PEAK1: variants seen among roughly 807,000 people sequenced by gnomAD.
The protein encoded by PEAK1 is pseudopodium enriched atypical kinase 1.
In PEAK1, 54 loss-of-function variants were observed where a neutral mutation model predicts 124.7. The ratio of observed to expected loss-of-function variants is 0.43; its 90% CI spans 0.35 to 0.54. The LOEUF (loss-of-function observed/expected upper bound fraction) is 0.54, where lower values mean the gene tolerates loss of function less well. PEAK1 is among the 20% of genes least tolerant of loss of function. The probability of loss-of-function intolerance (pLI) is 0.01; values close to 1 mark genes in which losing one functional copy is unlikely to be tolerated. For missense variants in PEAK1, 2,046 were observed against 2,134.5 expected (o/e 0.96, Z 0.82); for synonymous variants, 719 against 760.0 (o/e 0.95, Z 0.89).
intron 6 of PEAK1, among the ~76,000 whole-genome samples, chr15:77,250,711 G>C (rs1813380171): frequency 6.6e-6 from 1 of 152,110 alleles, no homozygotes; most frequent in Admixed American, 6.6e-5. Context: ...GGGATTACAG[G>C]CGTATGCCAC....
chr15:77,128,198 A>T lies in PEAK1; in HGVS notation c.4077+4807T>A, dbSNP rs181109093. Among the ~76,000 whole-genome samples the T allele has an allele frequency of 1.8e-3, 269 of 152,276 alleles. 1 individual carries two copies. Among genetic ancestry groups the T allele is most frequent in the African/African-American group, 6.2e-3 (258 of 41,560 alleles). On this transcript the variant is annotated intron_variant, in intron 9 of 9. Transcript: ENST00000682557. ...TGGACTTAACCAGCCATCTCAGCAC[A>T]AGTCAGGGATAATAATGGGATTATA...
chr15:77,155,352 T>C (rs1443324963), intron 8 of PEAK1: 1 of 152,260 alleles, frequency 6.6e-6, no homozygotes, highest in African/African-American at 2.4e-5. Context: ...CTTTAAGGAC[T>C]TCTCTGCATT....
intron 6 of PEAK1, among the ~76,000 whole-genome samples, chr15:77,223,775 C>T (rs1199836599): frequency 6.6e-6 from 1 of 151,904 alleles, no homozygotes; most frequent in Non-Finnish European, 1.5e-5. Context: ...CTGTTGGATC[C>T]CTCTCTTCAC....
At chr15:77,350,006 TAAG>T in intron 2 of PEAK1, 1 of 985,062 alleles carries the variant, frequency 1.0e-6, no homozygotes. Context: ...TTTCTAGGTT[TAAG>T]AAGAAGACAT....
chr15:77,148,919 C>G (rs765229730), intron 8 of PEAK1, among the ~76,000 whole-genome samples: 1 of 151,712 alleles, frequency 6.6e-6, no homozygotes, highest in African/African-American at 2.4e-5. Flanking sequence ...AAGACCCTGT[C>G]GCTAAGAAAA....
chr15:77,240,702 A>G (rs918955374), intron 6 of PEAK1, among the ~76,000 whole-genome samples: 3 of 152,182 alleles, frequency 2.0e-5, no homozygotes, highest in African/African-American at 7.2e-5. Context: ...GGGTGTAATC[A>G]TAGTAAAACT....
intron 3 of PEAK1, 113 bp downstream of exon 3, chr15:77,286,310 A>T: frequency 2.0e-6 from 1 of 499,208 alleles, no homozygotes; most frequent in Non-Finnish European, 3.1e-6. Context: ...CCTCCATACT[A>T]CTATGGCAAG....
intron 1 of PEAK1, among the ~76,000 whole-genome samples, chr15:77,373,568 G>A (rs2068794465): frequency 6.6e-6 from 1 of 152,082 alleles, no homozygotes; most frequent in East Asian, 1.9e-4. Context: ...CAGTCCTAAG[G>A]TGCCTACTGA....
chr15:77,405,128 C>T (rs2071707118), intron 1 of PEAK1, among the ~76,000 whole-genome samples: 1 of 151,922 alleles, frequency 6.6e-6, no homozygotes, highest in Non-Finnish European at 1.5e-5. Context: ...GCCTCAGCCT[C>T]CTAGGTAGCT....
rs78195483 is a variant in PEAK1 at position 77,179,463 on chromosome 15, T to A, written c.2464A>T (p.Thr822Ser). The change falls in exon 7 of 10, where the codon ACA becomes TCA. Residue 822 changes from threonine to serine, a missense_variant. Transcript: ENST00000682557. ...TCAGCCTCACCACTAGGCTGAGATG[T>A]AAAGAGAGATTTGGGCCGGACTGGC... ...STPVRPKSLF[T>S]SQPSGEAEAP... 2.0e-4 allele frequency: 327 copies of A among 1,614,096 alleles called. 2 individuals carry two copies. In the African/African-American group the frequency reaches 4.0e-3, roughly 20 times the overall value.
chr15:77,218,880 A>G (rs992591746), intron 6 of PEAK1, among the ~76,000 whole-genome samples: 3 of 152,112 alleles, frequency 2.0e-5, no homozygotes, highest in Admixed American at 6.6e-5. Context: ...CCTGGTTGCA[A>G]ATGAGTGTGG....
At chr15:77,325,971 A>T (rs1032234719) in intron 2 of PEAK1, among the ~76,000 whole-genome samples, 12 of 149,652 alleles carry the variant, frequency 8.0e-5, no homozygotes, top group Admixed American at 3.4e-4. Flanking sequence ...GTACAAATTT[A>T]AAAAAAAAAC....
chr15:77,257,413 G>C (rs552878612), intron 5 of PEAK1, among the ~76,000 whole-genome samples: 2 of 149,668 alleles, frequency 1.3e-5, no homozygotes, highest in Non-Finnish European at 3.0e-5. Flanking sequence ...TTTAATGATT[G>C]CCATTCTAAC....
chr15:77,403,040 C>T (rs960066845), intron 1 of PEAK1: 1 of 985,044 alleles, frequency 1.0e-6, no homozygotes, highest in Non-Finnish European at 1.2e-6. Context: ...TGAAATGTTG[C>T]ATCCCATTGC....
At chr15:77,321,450 A>G (rs943098618) in intron 2 of PEAK1, among the ~76,000 whole-genome samples, 1 of 152,146 alleles carries the variant, frequency 6.6e-6, no homozygotes, top group African/African-American at 2.4e-5. Context: ...TGGCTGCTTA[A>G]ATGTCTTCTT....
chr15:77,102,676 A>G (rs1353253474), exon 7 of PEAK1: 1 of 152,208 alleles, frequency 6.6e-6, no homozygotes, highest in African/African-American at 2.4e-5. Context: ...TACTTATCCT[A>G]TATTACATAT....
chr15:77,278,839 T>TC (rs1477866223), intron 5 of PEAK1: 3 of 335,172 alleles, frequency 9.0e-6, no homozygotes, highest in Non-Finnish European at 1.7e-5. Context: ...TGGGTTTTTT[T>TC]TTTTTTTTTT....
At chr15:77,231,301 G>A (rs1567143517) in intron 6 of PEAK1, among the ~76,000 whole-genome samples, 2 of 152,182 alleles carry the variant, frequency 1.3e-5, no homozygotes, top group Non-Finnish European at 2.9e-5. Flanking sequence ...TGTTTCTTCA[G>A]TGAAGCTCAG....
intron 6 of PEAK1, among the ~76,000 whole-genome samples, chr15:77,217,516 T>C (rs2059202097): frequency 6.6e-6 from 1 of 152,184 alleles, no homozygotes; most frequent in African/African-American, 2.4e-5. Flanking sequence ...CACAGCAACG[T>C]TCCTGGTTCA....
Sources: allele counts gnomAD v4.1 joint callset (sites outside exome capture counted in the v4.1 genomes callset), GRCh38; gene constraint gnomAD v4.1.1; transcripts MANE v1.5; gene names NCBI Gene and HGNC (gene_info 2026-07-23, HGNC 2026-07-21).